The following NOS1AP variants were observed in gnomAD, a reference collection of about 807,000 sequenced individuals.
NOS1AP encodes the protein carboxyl-terminal PDZ ligand of neuronal nitric oxide synthase protein.
A neutral mutation model predicts 56.2 loss-of-function variants in NOS1AP; 21 were observed. The ratio of observed to expected loss-of-function variants is 0.37; its 90% confidence interval spans 0.26 to 0.54. The LOEUF (loss-of-function observed/expected upper bound fraction) is 0.54, where lower values mean the gene tolerates loss of function less well. Ranked by LOEUF, NOS1AP falls within the 20% of genes least tolerant of loss-of-function variation. The pLI, the probability that NOS1AP is intolerant of heterozygous loss-of-function variation, is 0.84. For missense variants in NOS1AP, 522 were observed against 657.8 expected (o/e 0.79, Z 2.26); for synonymous variants, 270 against 274.6 (o/e 0.98, Z 0.17).
intron 2 of NOS1AP, among the ~76,000 whole-genome samples, chr1:162,199,889 C>T (rs1457379692): frequency 6.6e-6 from 1 of 152,124 alleles, no homozygotes; most frequent in Non-Finnish European, 1.5e-5. Flanking sequence ...GAAAATTAAG[C>T]AGGATGCAAA....
chr1:162,207,139 G>T (rs116536780), intron 2 of NOS1AP, among the ~76,000 whole-genome samples: 90 of 152,328 alleles, frequency 5.9e-4, no homozygotes, highest in African/African-American at 2.0e-3. Context: ...CTGCTGCCTT[G>T]TTTTAACATG....
In NOS1AP at chr1:162,353,302, C is replaced by T. The variant is rs151193002; in HGVS notation, c.596-1885C>T. ...CTCGTCCTGGTCAGGTCCCTCCCTACGGGACCACTTGCATTGCCTGACATG... is the reference window on the plus strand; with the variant it reads ...CTCGTCCTGGTCAGGTCCCTCCCTATGGGACCACTTGCATTGCCTGACATG... On this transcript the variant is annotated intron_variant, in intron 6 of 9. Coordinates refer to ENST00000361897, the MANE Select transcript of NOS1AP (RefSeq NM_014697.3). Among the ~76,000 whole-genome samples, 100 of 152,280 alleles carry T rather than the reference C, an allele frequency of 6.6e-4. No homozygotes were observed. The East Asian group carries it at 0.014, about 22-fold the overall frequency.
At chr1:162,334,335 C>T (rs1208746258) in intron 5 of NOS1AP, among the ~76,000 whole-genome samples, 2 of 152,084 alleles carry the variant, frequency 1.3e-5, no homozygotes, top group Non-Finnish European at 2.9e-5. Context: ...ACTTGCCAGA[C>T]TTCACATCTA....
chr1:162,190,581 A>G (rs1357474166), intron 2 of NOS1AP, among the ~76,000 whole-genome samples: 1 of 151,684 alleles, frequency 6.6e-6, no homozygotes, highest in East Asian at 1.9e-4. Flanking sequence ...CATATTCATA[A>G]TCTCAAACAT....
chr1:162,185,637 C>T (rs940431437), intron 2 of NOS1AP, among the ~76,000 whole-genome samples: 11 of 152,156 alleles, frequency 7.2e-5, no homozygotes, highest in Non-Finnish European at 4.4e-5. Flanking sequence ...TCTGATATTC[C>T]GTAGGAATGA....
intron 2 of NOS1AP, among the ~76,000 whole-genome samples, chr1:162,191,503 A>T (rs1651645634): frequency 2.0e-5 from 3 of 152,212 alleles, no homozygotes; most frequent in Non-Finnish European, 4.4e-5. Flanking sequence ...ATGTGGAGGT[A>T]CAATGGGAAG....
At chr1:162,307,142 ATAAAC>A (rs1159749460) in intron 4 of NOS1AP, among the ~76,000 whole-genome samples, 1 of 152,128 alleles carries the variant, frequency 6.6e-6, no homozygotes, top group African/African-American at 2.4e-5. Flanking sequence ...CTAGAAAAAA[ATAAAC>A]TAAATAGTAT....
chr1:162,344,362 A>G (rs1044151927), intron 6 of NOS1AP, among the ~76,000 whole-genome samples: 1 of 152,082 alleles, frequency 6.6e-6, no homozygotes, highest in Non-Finnish European at 1.5e-5. Flanking sequence ...CTCAATATGG[A>G]TAGTATTTTA....
chr1:162,087,587 A>G (rs186741030), intron 1 of NOS1AP, among the ~76,000 whole-genome samples: 1 of 152,238 alleles, frequency 6.6e-6, no homozygotes, highest in Admixed American at 6.5e-5. Context: ...AAAATAACAG[A>G]GCTGATTTAG....
intron 2 of NOS1AP, among the ~76,000 whole-genome samples, chr1:162,249,113 C>T (rs1223372236): frequency 6.6e-6 from 1 of 152,114 alleles, no homozygotes; most frequent in Admixed American, 6.6e-5. Context: ...CGGGGTTTGG[C>T]CACTGCAGTT....
intron 3 of NOS1AP, among the ~76,000 whole-genome samples, chr1:162,292,214 G>A (rs1338759577): frequency 1.3e-5 from 2 of 152,154 alleles, no homozygotes; most frequent in African/African-American, 2.4e-5. Flanking sequence ...GTCTATTACA[G>A]GTTTTATAAG....
chr1:162,236,347 A>C lies in NOS1AP; in HGVS notation c.178-50997A>C, dbSNP rs1653290781. On this transcript the variant is annotated intron_variant, in intron 2 of 9. Transcript: ENST00000361897. Reference sequence around the variant, plus strand: ...TATATTGAGCCCCTATGAACCTGTTAGATGCTTTACAGATACGATCTCACT... The same window carrying C: ...TATATTGAGCCCCTATGAACCTGTTCGATGCTTTACAGATACGATCTCACT... Among the ~76,000 whole-genome samples, 5 of 152,350 alleles carry C rather than the reference A, an allele frequency of 3.3e-5. No individual in the cohort carries two copies. In the South Asian group the frequency reaches 1.0e-3, roughly 32 times the overall value.
chr1:162,311,070 C>T (rs4656365), intron 4 of NOS1AP, among the ~76,000 whole-genome samples: 11,043 of 152,136 alleles, frequency 0.073, 455 homozygotes, highest in Middle Eastern at 0.13. Flanking sequence ...TGTTAACCCT[C>T]CCTTTCTTCC....
intron 3 of NOS1AP, among the ~76,000 whole-genome samples, chr1:162,294,987 T>A (rs1655407264): frequency 6.6e-6 from 1 of 152,206 alleles, no homozygotes. Context: ...CTGCTGCTAG[T>A]GCTCCTGCTC....
chr1:162,366,648 G>A (rs1482025665), intron 9 of NOS1AP, among the ~76,000 whole-genome samples: 1 of 152,064 alleles, frequency 6.6e-6, no homozygotes, highest in Non-Finnish European at 1.5e-5. Flanking sequence ...AGCCTCTCTG[G>A]ATTTTCCAGA....
In NOS1AP at chr1:162,279,989, A is replaced by G. The variant is rs184834289; in HGVS notation, c.178-7355A>G. On this transcript the variant is annotated intron_variant, in intron 2 of 9. Coordinates refer to ENST00000361897, the MANE Select transcript of NOS1AP (RefSeq NM_014697.3). Reference sequence around the variant, plus strand: ...CAACCCTGGTGGCCTCAAACATTTCAAATACAAAGTTTCCTCTATAAATTT... The same window carrying G: ...CAACCCTGGTGGCCTCAAACATTTCGAATACAAAGTTTCCTCTATAAATTT... 4.3e-4 allele frequency among the ~76,000 whole-genome samples: 66 copies of G among 152,294 alleles called. No individual in the cohort carries two copies. In the Middle Eastern group the frequency reaches 0.014, roughly 31 times the overall value.
At position 162,070,170 on chromosome 1, in the gene NOS1AP, G is replaced by C. The variant is rs1304234843; in HGVS notation, c.-8G>C. The C allele has an allele frequency of 2.5e-6, 4 of 1,612,314 alleles. No homozygotes were observed. Among genetic ancestry groups the C allele is most frequent in the Non-Finnish European group, 1.7e-6 (2 of 1,178,600 alleles). On this transcript the variant is annotated 5_prime_UTR_variant, in exon 1 of 10. Coordinates refer to ENST00000361897, the MANE Select transcript of NOS1AP (RefSeq NM_014697.3). ...GCCTCCGAAGGAGCGGGTCCGCCGC[G>C]GGTAACCATGCCTAGCAAAACCAAG...
chr1:162,357,092 C>T lies in NOS1AP; in HGVS notation c.895C>T (p.Leu299Phe), dbSNP rs770264753. 6.8e-6 allele frequency: 11 copies of T among 1,611,422 alleles called. No homozygotes were observed. Among genetic ancestry groups the T allele is most frequent in the Non-Finnish European group, 1.7e-6 (2 of 1,179,934 alleles). ...CCACCAGATGCAGCTCCTCCAGCAGCTCCTCCAGCAGCAGCAGCAGCAGAC... is the reference window on the plus strand; with the variant it reads ...CCACCAGATGCAGCTCCTCCAGCAGTTCCTCCAGCAGCAGCAGCAGCAGAC... ...THHQMQLLQQLLQQQQQQTQV... is the reference protein window; with the variant it reads ...THHQMQLLQQFLQQQQQQTQV... The change falls in exon 8 of 10, where the codon CTC becomes TTC. Residue 299 changes from leucine to phenylalanine, a missense_variant. Physicochemically the swap from Leu to Phe is conservative, Grantham distance 22. Coordinates refer to ENST00000361897, the MANE Select transcript of NOS1AP (RefSeq NM_014697.3).
intron 2 of NOS1AP, among the ~76,000 whole-genome samples, chr1:162,159,915 G>A (rs1170705797): frequency 6.6e-6 from 1 of 152,140 alleles, no homozygotes; most frequent in Non-Finnish European, 1.5e-5. Context: ...GCATGTCACT[G>A]GGTGGCTCCT....
Sources: allele counts gnomAD v4.1 joint callset (sites outside exome capture counted in the v4.1 genomes callset), GRCh38; gene constraint gnomAD v4.1.1; transcripts MANE v1.5; gene names NCBI Gene and HGNC (gene_info 2026-07-23, HGNC 2026-07-21).